The following PCLO variants were observed in gnomAD, a reference collection of about 807,000 sequenced individuals.
PCLO encodes piccolo presynaptic cytomatrix protein.
A neutral mutation model predicts 427.5 loss-of-function variants in PCLO; 82 were observed. The observed-to-expected ratio is 0.19, with a 90% CI of 0.16 to 0.23. The LOEUF is 0.23. Ranked by LOEUF, PCLO falls within the 10% of genes least tolerant of loss-of-function variation. The probability of loss-of-function intolerance (pLI) is 1.00; values close to 1 mark genes in which losing one functional copy is unlikely to be tolerated. For synonymous variants in PCLO, 2,357 were observed against 2,155.4 expected (o/e 1.09, Z -2.59); for missense variants, 6,239 against 6,115.9 (o/e 1.02, Z -0.67).
intron 3 of PCLO, among the ~76,000 whole-genome samples, chr7:83,122,041 G>T (rs1791293991): frequency 6.6e-6 from 1 of 151,962 alleles, no homozygotes; most frequent in African/African-American, 2.4e-5. Flanking sequence ...CATATCAACA[G>T]AAAGAAAGAC....
chr7:82,846,213 A>C lies in PCLO; in HGVS notation c.13831+354T>G, dbSNP rs549429518. ...CCAGTTATTCTAAAAAGAATCAAGT[A>C]CGCTCTAAAAATTATGTAAAACCAA... On this transcript the variant is annotated intron_variant, in intron 12 of 24. Transcript: ENST00000333891. Among the ~76,000 whole-genome samples, 6 of 152,278 alleles carry C rather than the reference A, an allele frequency of 3.9e-5. No homozygotes were observed. The South Asian group carries it at 1.2e-3, about 32-fold the overall frequency.
At chr7:82,963,880 G>T (rs898493826) in intron 4 of PCLO, among the ~76,000 whole-genome samples, 11 of 151,958 alleles carry the variant, frequency 7.2e-5, no homozygotes, top group Non-Finnish European at 1.2e-4. Flanking sequence ...ACATATTGAG[G>T]TTGTATAACG....
chr7:82,845,619 C>G (rs1792480950), intron 12 of PCLO, 134 bp from the exon 13 acceptor site: 1 of 638,178 alleles, frequency 1.6e-6, no homozygotes, highest in Admixed American at 2.8e-5. Context: ...ATGAAATTAA[C>G]TCTATTGTAC....
intron 3 of PCLO, among the ~76,000 whole-genome samples, chr7:83,074,927 T>G (rs954445189): frequency 1.3e-5 from 2 of 152,156 alleles, no homozygotes; most frequent in African/African-American, 4.8e-5. Flanking sequence ...GTTACTTTAA[T>G]AAGGTGGTAA....
At chr7:83,051,872 C>G (rs956865274) in intron 3 of PCLO, among the ~76,000 whole-genome samples, 20 of 151,880 alleles carry the variant, frequency 1.3e-4, no homozygotes, top group African/African-American at 2.2e-4. Context: ...ATCAATAGAA[C>G]AAAATAGAGA....
intron 19 of PCLO, 50 bp from the exon 20 acceptor site, chr7:82,822,739 C>A: frequency 6.6e-7 from 1 of 1,519,910 alleles, no homozygotes; most frequent in Non-Finnish European, 9.1e-7. Context: ...AGCATTCCTC[C>A]TATCAAGCTT....
rs1787768188 is a variant in PCLO, at chr7:82,999,833, A to AT, written c.3301-33347_3301-33346insA. Reference sequence around the variant, plus strand: ...TATATAAAATATAATATATAATATTAAATATAAAATATAATATATAATATT... The same window carrying AT: ...TATATAAAATATAATATATAATATTATAATATAAAATATAATATATAATATT... On this transcript the variant is annotated intron_variant, in intron 3 of 24. Transcript: ENST00000333891. Among the ~76,000 whole-genome samples, 7 of 80,816 alleles carry AT rather than the reference A, an allele frequency of 8.7e-5. 2 individuals carry two copies. Among genetic ancestry groups the AT allele is most frequent in the Non-Finnish European group, 1.1e-4 (5 of 46,524 alleles). The allele number at this position is 80,816 out of a possible 152,430, so 53.0% of individuals were successfully genotyped here.
intron 20 of PCLO, among the ~76,000 whole-genome samples, chr7:82,809,125 T>TA (rs1406036000): frequency 6.6e-6 from 1 of 151,914 alleles, no homozygotes. Flanking sequence ...AACTTTTTTT[T>TA]AACAAATAAA....
chr7:82,914,696 T>G lies in PCLO; in HGVS notation c.13290A>C (p.Ser4430=). 6.2e-7 allele frequency: 1 copy of G among 1,613,144 alleles called. No individual in the cohort carries two copies. The highest frequency in any genetic ancestry group is 8.5e-7 in the Non-Finnish European group (1 of 1,179,548). Reference sequence around the variant, plus strand: ...TGAGGCCCAATTTACCTTCACTGTCTGACATGGCATGTTGGAAGTCATCCA... The same window carrying G: ...TGAGGCCCAATTTACCTTCACTGTCGGACATGGCATGTTGGAAGTCATCCA... ...FIMDDFQHAM[S]DSEAYHLRRE... Residue 4430 remains serine, a synonymous_variant, in exon 7 of 25, where the codon TCA becomes TCC. Coordinates refer to ENST00000333891, the MANE Select transcript of PCLO (RefSeq NM_033026.6).
chr7:82,980,391 G>A (rs1282905635), intron 3 of PCLO, among the ~76,000 whole-genome samples: 5 of 152,150 alleles, frequency 3.3e-5, no homozygotes, highest in Admixed American at 6.6e-5. Flanking sequence ...TTGCTCCATG[G>A]GGGAAGTCAG....
At chr7:82,904,938 A>T (rs1794149393) in intron 8 of PCLO, among the ~76,000 whole-genome samples, 1 of 152,098 alleles carries the variant, frequency 6.6e-6, no homozygotes, top group Admixed American at 6.6e-5. Context: ...ATTATGATCA[A>T]TATGACCAAA....
At chr7:83,094,075 C>T (rs1790464382) in intron 3 of PCLO, among the ~76,000 whole-genome samples, 1 of 151,882 alleles carries the variant, frequency 6.6e-6, no homozygotes, top group Non-Finnish European at 1.5e-5. Flanking sequence ...GCCATACCCA[C>T]TTCCTTCTGC....
intron 22 of PCLO, among the ~76,000 whole-genome samples, chr7:82,793,438 G>T (rs555837330): frequency 6.6e-6 from 1 of 152,232 alleles, no homozygotes; most frequent in Non-Finnish European, 1.5e-5. Context: ...CTACAGGCTG[G>T]CTCTTCTGCT....
At chr7:83,126,670 A>G (rs1228015903) in intron 3 of PCLO, among the ~76,000 whole-genome samples, 20 of 152,100 alleles carry the variant, frequency 1.3e-4, no homozygotes, top group African/African-American at 4.6e-4. Flanking sequence ...ATAAATTGAT[A>G]AAGATTTAAA....
chr7:82,817,620 T>C (rs1030675394), intron 20 of PCLO, among the ~76,000 whole-genome samples: 1 of 152,150 alleles, frequency 6.6e-6, no homozygotes, highest in Non-Finnish European at 1.5e-5. Context: ...CACATGGATA[T>C]GAAACTCTTC....
intron 6 of PCLO, among the ~76,000 whole-genome samples, chr7:82,943,261 T>C (rs1795124912): frequency 6.6e-6 from 1 of 152,188 alleles, no homozygotes; most frequent in African/African-American, 2.4e-5. Flanking sequence ...TAATAAGAAG[T>C]TTGCCTATTA....
intron 8 of PCLO, 73 bp from the exon 9 acceptor site, chr7:82,902,814 G>C (rs1453926029): frequency 2.7e-6 from 2 of 739,022 alleles, no homozygotes; most frequent in Admixed American, 4.4e-5. Flanking sequence ...TAATTAGAAT[G>C]GTTCATTTCA....
chr7:83,138,393 G>A (rs752907354), intron 2 of PCLO, among the ~76,000 whole-genome samples: 7 of 152,162 alleles, frequency 4.6e-5, no homozygotes, highest in African/African-American at 9.7e-5. Flanking sequence ...GGGCGCTGTG[G>A]CTCAGGCCTG....
chr7:83,152,774 CAT>C (rs1423215680), intron 2 of PCLO, among the ~76,000 whole-genome samples: 8 of 152,116 alleles, frequency 5.3e-5, no homozygotes, highest in Admixed American at 5.2e-4. Flanking sequence ...CTCTGAAGTC[CAT>C]ATTTATTCAT....
Sources: gnomAD v4.1 joint callset for allele counts (sites outside exome capture counted in the v4.1 genomes callset) on GRCh38, gnomAD v4.1.1 for gene constraint, MANE v1.5 for transcripts, NCBI Gene and HGNC (gene_info 2026-07-23, HGNC 2026-07-21) for gene names.